The following SLC47A1 variants were observed in gnomAD, a reference collection of about 807,000 sequenced individuals.
SLC47A1 encodes solute carrier family 47 member 1.
Under a neutral mutation model 65.8 loss-of-function variants are expected in SLC47A1, and 58 were observed. The observed-to-expected ratio is 0.88, with a 90% CI of 0.71 to 1.10. SLC47A1 has a LOEUF of 1.10. Ranked by LOEUF, SLC47A1 falls within the 50% of genes least tolerant of loss-of-function variation. The pLI, the probability that SLC47A1 is intolerant of heterozygous loss-of-function variation, is 0.00. For synonymous variants in SLC47A1, 285 were observed against 295.0 expected (o/e 0.97, Z 0.35); for missense variants, 706 against 719.2 (o/e 0.98, Z 0.21).
At chr17:19,540,498 G>A (rs919743023) in intron 1 of SLC47A1, among the ~76,000 whole-genome samples, 2 of 152,184 alleles carry the variant, frequency 1.3e-5, no homozygotes, top group Non-Finnish European at 2.9e-5. Flanking sequence ...ACAATTTAAA[G>A]AGACACCAAG....
chr17:19,539,126 G>A (rs546011571), intron 1 of SLC47A1, among the ~76,000 whole-genome samples: 13 of 152,152 alleles, frequency 8.5e-5, no homozygotes, highest in South Asian at 4.1e-4. Flanking sequence ...GCCTGGGCTG[G>A]TCTTGAACTC....
chr17:19,577,521 A>ATT lies in SLC47A1; in HGVS notation c.1684_1685dup (p.Leu562PhefsTer2), dbSNP rs1245339522. The ATT allele has an allele frequency of 2.5e-6, 4 of 1,613,934 alleles. No homozygotes were observed. Among genetic ancestry groups the ATT allele is most frequent in the Non-Finnish European group, 3.4e-6 (4 of 1,179,984 alleles). ...GGTCTTCTTAATCTTGCTGGTGGGG[A>ATT]TTTTAGTGAGATTCTATGTCAGAAT... On this transcript the variant is annotated frameshift_variant, in exon 17 of 17. Transcript: ENST00000270570. LOFTEE classifies it high-confidence loss of function.
chr17:19,569,484 TC>T (rs1436814235), intron 14 of SLC47A1, among the ~76,000 whole-genome samples: 3 of 151,874 alleles, frequency 2.0e-5, no homozygotes, highest in South Asian at 2.1e-4. Context: ...CTATAGTCAA[TC>T]CCCCCCACCC....
At position 19,542,563 on chromosome 17, in the gene SLC47A1, A is replaced by G. The variant is rs535879534; in HGVS notation, c.237+69A>G. On this transcript the variant is annotated intron_variant, in intron 2 of 16. Transcript: ENST00000270570. ...TTGCCTTCTGCTGCTACTATAACAA[A>G]TCATCAAAATGTAGTGGCTGAAACC... 3 of 1,260,866 alleles carry G rather than the reference A, an allele frequency of 2.4e-6. No individual in the cohort carries two copies. The East Asian group carries it at 7.2e-5, about 30-fold the overall frequency. The allele number at this position is 1,260,866 out of a possible 1,614,324, so 78.1% of individuals were successfully genotyped here.
At chr17:19,567,744 GC>G (rs2084371243) in intron 14 of SLC47A1, 1 of 156,104 alleles carries the variant, frequency 6.4e-6, no homozygotes, top group African/African-American at 2.4e-5. Context: ...TGCTCACCAA[GC>G]AGCATGGCTG....
rs930903367 is a variant in SLC47A1 at position 19,563,314 on chromosome 17, G to A, written c.1106+2821G>A. On this transcript the variant is annotated intron_variant, in intron 12 of 16. Coordinates refer to ENST00000270570, the MANE Select transcript of SLC47A1 (RefSeq NM_018242.3). ...CGCTCGGCTAATTTTTTGTATTTTT[G>A]GTAGAGATGGGGTTTCACCGTGTTA... 6.6e-5 allele frequency among the ~76,000 whole-genome samples: 10 copies of A among 151,220 alleles called. No individual in the cohort carries two copies. In the East Asian group the frequency reaches 2.0e-3, roughly 30 times the overall value.
chr17:19,535,343 G>A (rs1417764205), intron 1 of SLC47A1: 1 of 152,282 alleles, frequency 6.6e-6, no homozygotes, highest in African/African-American at 2.4e-5. Flanking sequence ...GCTGAGGCAC[G>A]AGAATCGCTT....
At chr17:19,547,760 T>A (rs1916332009) in intron 3 of SLC47A1, among the ~76,000 whole-genome samples, 1 of 140,292 alleles carries the variant, frequency 7.1e-6, no homozygotes, top group South Asian at 2.4e-4. Context: ...TCTTGCTGTG[T>A]CCCCCAGGCT....
chr17:19,534,347 G>T (rs1178489993), intron 1 of SLC47A1: 1 of 389,116 alleles, frequency 2.6e-6, no homozygotes, highest in Non-Finnish European at 4.6e-6. Context: ...CGGAGAGGCC[G>T]GCGGCTCCAG....
At chr17:19,556,969 C>T (rs1255139408) in intron 10 of SLC47A1, among the ~76,000 whole-genome samples, 2 of 152,180 alleles carry the variant, frequency 1.3e-5, no homozygotes, top group African/African-American at 4.8e-5. Flanking sequence ...ATTATTCAGC[C>T]TTAAAAGGGA....
chr17:19,568,732 A>G (rs1231015349), intron 14 of SLC47A1, among the ~76,000 whole-genome samples: 1 of 152,098 alleles, frequency 6.6e-6, no homozygotes. Flanking sequence ...CTGGTGTGCA[A>G]TTGATCTCAA....
intron 16 of SLC47A1, among the ~76,000 whole-genome samples, chr17:19,575,020 G>A (rs975342588): frequency 6.6e-6 from 1 of 152,066 alleles, no homozygotes; most frequent in African/African-American, 2.4e-5. Flanking sequence ...ATTTTGTTAA[G>A]TGTGAGCTGG....
intron 10 of SLC47A1, 97 bp from the exon 11 acceptor site, chr17:19,560,091 G>A: frequency 2.3e-6 from 2 of 856,234 alleles, no homozygotes; most frequent in Non-Finnish European, 1.8e-6. Flanking sequence ...TTAGGACCAA[G>A]TTTTCCCACC....
chr17:19,569,601 C>T (rs1223165441), intron 14 of SLC47A1, among the ~76,000 whole-genome samples: 2 of 152,194 alleles, frequency 1.3e-5, no homozygotes, highest in East Asian at 3.8e-4. Flanking sequence ...CAGAATTCTG[C>T]AGGTTCTCAG....
intron 5 of SLC47A1, among the ~76,000 whole-genome samples, chr17:19,550,839 A>G (rs1916427612): frequency 6.6e-6 from 1 of 152,108 alleles, no homozygotes; most frequent in African/African-American, 2.4e-5. Flanking sequence ...TCCCCTGTGC[A>G]TTCATCCCCC....
chr17:19,571,362 C>G, intron 14 of SLC47A1, 116 bp from the exon 15 acceptor site: 1 of 835,084 alleles, frequency 1.2e-6, no homozygotes, highest in Non-Finnish European at 1.9e-6. Context: ...GGCTCCACCT[C>G]AGCCATGAAA....
At chr17:19,560,793 C>A (rs1317957178) in intron 12 of SLC47A1, among the ~76,000 whole-genome samples, 1 of 151,180 alleles carries the variant, frequency 6.6e-6, no homozygotes, top group African/African-American at 2.4e-5. Context: ...GCTGGAGAAT[C>A]TCTTGAGCCC....
intron 1 of SLC47A1, among the ~76,000 whole-genome samples, chr17:19,539,413 T>G (rs1175844731): frequency 6.6e-6 from 1 of 152,020 alleles, no homozygotes; most frequent in Non-Finnish European, 1.5e-5. Flanking sequence ...CTGGACCACA[T>G]GCATCTTGCC....
intron 6 of SLC47A1, 39 bp downstream of exon 6, chr17:19,551,507 G>A: frequency 6.3e-7 from 1 of 1,578,082 alleles, no homozygotes; most frequent in Non-Finnish European, 8.7e-7. Context: ...AGGCTAATGG[G>A]AGTTTGTACC....
Sources: allele counts gnomAD v4.1 joint callset (sites outside exome capture counted in the v4.1 genomes callset), GRCh38; gene constraint gnomAD v4.1.1; transcripts MANE v1.5; gene names NCBI Gene and HGNC (gene_info 2026-07-23, HGNC 2026-07-21).